KREMEN1: variants seen among roughly 807,000 people sequenced by gnomAD.
The protein encoded by KREMEN1 is kremen protein 1.
A neutral mutation model predicts 46.5 loss-of-function variants in KREMEN1; 30 were observed. That is an observed-to-expected ratio of 0.65 (90% CI 0.48 to 0.88). The LOEUF (loss-of-function observed/expected upper bound fraction) is 0.88. Ranked by LOEUF, KREMEN1 falls within the 40% of genes least tolerant of loss-of-function variation. The probability of loss-of-function intolerance (pLI) is 0.00; values close to 1 mark genes in which losing one functional copy is unlikely to be tolerated. For missense variants in KREMEN1, 533 were observed against 596.9 expected, an observed-to-expected ratio of 0.89 and a Z score of 1.11; for synonymous variants, 214 against 230.6, an observed-to-expected ratio of 0.93 and a Z score of 0.65.
intron 3 of KREMEN1, among the ~76,000 whole-genome samples, chr22:29,105,478 T>TACACACACACAC (rs10642386): frequency 0.022 from 3,227 of 146,956 alleles, 129 homozygotes; most frequent in East Asian, 0.2. Flanking sequence ...CACACACACA[T>TACACACACACAC]ACACACACAC....
intron 1 of KREMEN1, 151 bp from the exon 2 acceptor site, chr22:29,094,107 C>T: frequency 1.6e-6 from 1 of 615,542 alleles, no homozygotes; most frequent in East Asian, 2.9e-5. Flanking sequence ...ATTTATTCAG[C>T]CCCAGAAGTG....
At chr22:29,159,492 G>A (rs75312660) in intron 9 of KREMEN1, among the ~76,000 whole-genome samples, 4 of 152,000 alleles carry the variant, frequency 2.6e-5, no homozygotes, top group Admixed American at 1.3e-4. Context: ...GGTGGCGCAC[G>A]CCTGTAATCC....
At chr22:29,123,257 A>G (rs1569327409) in intron 4 of KREMEN1, among the ~76,000 whole-genome samples, 1 of 152,084 alleles carries the variant, frequency 6.6e-6, no homozygotes, top group African/African-American at 2.4e-5. Context: ...AGATATTTTT[A>G]ACAGGATGAA....
intron 3 of KREMEN1, among the ~76,000 whole-genome samples, chr22:29,109,272 GA>G (rs1470498736): frequency 1.3e-5 from 2 of 152,166 alleles, no homozygotes; most frequent in East Asian, 3.8e-4. Context: ...ACTTAAAAAG[GA>G]AAACTCATTC....
chr22:29,134,738 A>AAT (rs1455950822), intron 5 of KREMEN1, among the ~76,000 whole-genome samples: 4 of 152,164 alleles, frequency 2.6e-5, no homozygotes, highest in Non-Finnish European at 5.9e-5. Context: ...CACTACCCTC[A>AAT]ATGCACATCA....
rs1315019225 is a variant in KREMEN1 at position 29,094,433 on chromosome 22, C to T, written c.260+13C>T. The T allele has an allele frequency of 3.7e-6, 6 of 1,603,378 alleles. No homozygotes were observed. The highest frequency in any genetic ancestry group is 5.1e-6 in the Non-Finnish European group (6 of 1,175,614). On this transcript the variant is annotated intron_variant, in intron 2 of 8. Coordinates refer to ENST00000400335, the MANE Select transcript of KREMEN1 (RefSeq NM_001039570.3). ...ACAACTATTGCAGGTAAGATGGGGC[C>T]ACTCAGTACTTTAAAAAGATAGATA... is the stretch of plus-strand genomic sequence containing the variant.
intron 2 of KREMEN1, among the ~76,000 whole-genome samples, 182 bp from the exon 3 acceptor site, chr22:29,098,680 A>G (rs529058049): frequency 1.3e-5 from 2 of 152,268 alleles, no homozygotes; most frequent in East Asian, 1.9e-4. Context: ...GTCAGAATAG[A>G]TATGTTTGTT....
intron 9 of KREMEN1, among the ~76,000 whole-genome samples, chr22:29,161,356 A>AAT (rs2039009225): frequency 6.6e-6 from 1 of 151,054 alleles, no homozygotes; most frequent in African/African-American, 2.4e-5. Context: ...AAATACAAAA[A>AAT]ATTAGCCAGG....
intron 2 of KREMEN1, among the ~76,000 whole-genome samples, chr22:29,094,624 C>CT (rs1254364075): frequency 1.7e-5 from 2 of 118,364 alleles, no homozygotes; most frequent in Non-Finnish European, 3.9e-5. Context: ...CAATTTACCA[C>CT]TCTTTTTTTT....
At chr22:29,152,256 C>T (rs987219025) in intron 9 of KREMEN1, among the ~76,000 whole-genome samples, 1 of 152,160 alleles carries the variant, frequency 6.6e-6, no homozygotes. Context: ...GTTTCCTGAG[C>T]CATCCCTCTA....
chr22:29,129,132 C>T (rs1387321516), intron 5 of KREMEN1, among the ~76,000 whole-genome samples: 1 of 152,182 alleles, frequency 6.6e-6, no homozygotes, highest in Non-Finnish European at 1.5e-5. Flanking sequence ...TTCTGTAACT[C>T]ACACCCCATT....
At chr22:29,148,561 C>A (rs1193781041), downstream of KREMEN1, among the ~76,000 whole-genome samples, 1 of 151,720 alleles carries the variant, frequency 6.6e-6, no homozygotes, top group African/African-American at 2.4e-5. Flanking sequence ...TCAAGCGATT[C>A]TCCTGCCTCA....
At chr22:29,126,412 T>G (rs1196966624) in intron 5 of KREMEN1, among the ~76,000 whole-genome samples, 1 of 151,866 alleles carries the variant, frequency 6.6e-6, no homozygotes, top group Non-Finnish European at 1.5e-5. Context: ...CCTCCTCACT[T>G]CTGGTGGTTG....
At chr22:29,119,242 T>C (rs573121474) in intron 3 of KREMEN1, among the ~76,000 whole-genome samples, 2 of 152,218 alleles carry the variant, frequency 1.3e-5, no homozygotes, top group South Asian at 2.1e-4. Context: ...TGAAGAGATA[T>C]ATAGGGTGAG....
At chr22:29,107,818 A>G (rs1164472054) in intron 3 of KREMEN1, among the ~76,000 whole-genome samples, 2 of 152,168 alleles carry the variant, frequency 1.3e-5, no homozygotes, top group African/African-American at 4.8e-5. Context: ...CTGAGCTCGC[A>G]TCACAGGCAC....
In KREMEN1 at chr22:29,146,678, T is replaced by G; in HGVS notation, c.*4566T>G. The G allele has an allele frequency of 1.1e-6, 1 of 930,910 alleles. No homozygotes were observed. The highest frequency in any genetic ancestry group is 1.3e-6 in the Non-Finnish European group (1 of 779,974). The allele number at this position is 930,910 out of a possible 1,614,324, so 57.7% of individuals were successfully genotyped here. On this transcript the variant is annotated 3_prime_UTR_variant, in exon 9 of 9. Coordinates refer to ENST00000400335, the MANE Select transcript of KREMEN1 (RefSeq NM_001039570.3). ...ATGTATTTTAAAATATAAGATGAAG[T>G]GTGACGCACTGTATACAATTTAATA... is the stretch of plus-strand genomic sequence containing the variant.
Position 29,125,238 on chromosome 22 carries a change from G to A in KREMEN1, c.478-25G>A, listed in dbSNP as rs143235741. The A allele has an allele frequency of 3.6e-4, 575 of 1,612,764 alleles. 12 individuals are homozygous for A. The East Asian group carries it at 0.011, about 32-fold the overall frequency. On this transcript the variant is annotated intron_variant, in intron 4 of 8. Transcript: ENST00000400335. The stretch of plus-strand genomic sequence containing the variant: ...TCTGACATCCCTGATGATGCTTACC[G>A]TGTGCTGCTTCTCTGTTGTGGCAGT...
At chr22:29,112,177 GT>G (rs1196362743) in intron 3 of KREMEN1, among the ~76,000 whole-genome samples, 1 of 152,094 alleles carries the variant, frequency 6.6e-6, no homozygotes, top group Non-Finnish European at 1.5e-5. Context: ...CTTGAGTTTG[GT>G]TGCCTCAACT....
intron 9 of KREMEN1, among the ~76,000 whole-genome samples, chr22:29,157,167 G>T (rs977888097): frequency 6.6e-6 from 1 of 152,202 alleles, no homozygotes; most frequent in Non-Finnish European, 1.5e-5. Context: ...ACCTGTGGGG[G>T]CTCCACGCAA....
Sources: gnomAD v4.1 joint callset for allele counts (sites outside exome capture counted in the v4.1 genomes callset) on GRCh38, gnomAD v4.1.1 for gene constraint, MANE v1.5 for transcripts, NCBI Gene and HGNC (gene_info 2026-07-23, HGNC 2026-07-21) for gene names.